Variants in TMBIM6 observed in about 807,000 individuals in gnomAD.
TMBIM6 encodes transmembrane BAX inhibitor motif containing 6.
TMBIM6 carries 13 observed loss-of-function variants against 31.4 expected under a neutral mutation model. The observed-to-expected ratio is 0.41, with a 90% CI of 0.27 to 0.66. TMBIM6 has a LOEUF of 0.66. Among genes scored for constraint, TMBIM6 ranks in the 30% least tolerant of loss-of-function variants. The probability of loss-of-function intolerance (pLI) is 0.28; values close to 1 mark genes in which losing one functional copy is unlikely to be tolerated. For missense variants in TMBIM6, 275 were observed against 289.5 expected (o/e 0.95, Z 0.36); for synonymous variants, 85 against 101.7 (o/e 0.84, Z 0.99).
rs1467206734 is a variant in TMBIM6 at position 49,752,699 on chromosome 12, C to T, written c.56+150C>T. 2.9e-5 allele frequency: 21 copies of T among 732,020 alleles called. No homozygotes were observed. The East Asian group carries it at 3.2e-4, about 11-fold the overall frequency. The allele number at this position is 732,020 out of a possible 1,614,324, so 45.3% of individuals were successfully genotyped here. A position where few individuals can be genotyped will look rare whatever the true frequency, so the allele number is the denominator to read the frequency against. The stretch of plus-strand genomic sequence containing the variant: ...CTGATGAAAATGTCCAAATTCTACA[C>T]GTTGCTGTGTGGTTATTGGAAAGGC... On this transcript the variant is annotated intron_variant, in intron 2 of 9. Transcript: ENST00000267115.
intron 1 of TMBIM6, among the ~76,000 whole-genome samples, chr12:49,744,902 G>T (rs1218523676): frequency 6.6e-6 from 1 of 152,184 alleles, no homozygotes; most frequent in Non-Finnish European, 1.5e-5. Context: ...TTCAGTATCT[G>T]TCAAACGTTA....
chr12:49,762,406 A>C (rs971217648), intron 9 of TMBIM6, among the ~76,000 whole-genome samples: 4 of 152,244 alleles, frequency 2.6e-5, no homozygotes, highest in African/African-American at 9.6e-5. Flanking sequence ...TCCATCCAAG[A>C]TTGAATGAAG....
intron 4 of TMBIM6, among the ~76,000 whole-genome samples, chr12:49,756,439 GC>G (rs1945596451): frequency 1.5e-5 from 2 of 132,204 alleles, no homozygotes; most frequent in Non-Finnish European, 3.1e-5. Context: ...CTGCCTCCTG[GC>G]TTTTTTTTTT....
intron 3 of TMBIM6, among the ~76,000 whole-genome samples, chr12:49,754,729 GT>G (rs1945557439): frequency 6.6e-6 from 1 of 152,068 alleles, no homozygotes; most frequent in Admixed American, 6.5e-5. Flanking sequence ...AATGCCTATA[GT>G]TTTTCCCACT....
chr12:49,741,873 C>T, intron 1 of TMBIM6: 1 of 509,934 alleles, frequency 2.0e-6, no homozygotes, highest in Non-Finnish European at 3.4e-6. Flanking sequence ...GTCGAGGCCT[C>T]TATTCTGCCC....
chr12:49,744,525 C>T (rs767437707), intron 1 of TMBIM6: 50 of 152,274 alleles, frequency 3.3e-4, no homozygotes, highest in African/African-American at 1.1e-3. Context: ...TTAAAGGTTA[C>T]CTAAGTGACC....
At chr12:49,751,963 A>G (rs143185797) in intron 1 of TMBIM6, among the ~76,000 whole-genome samples, 1 of 151,924 alleles carries the variant, frequency 6.6e-6, no homozygotes, top group African/African-American at 2.4e-5. Context: ...GGGTTTCACC[A>G]TGTTGGCCAG....
rs1399970317 is a variant in TMBIM6 at position 49,758,172 on chromosome 12, GGATCCTATTCAAGAATT to G, written c.287-50_287-34del. 3 of 1,602,828 alleles carry G rather than the reference GGATCCTATTCAAGAATT, an allele frequency of 1.9e-6. No homozygotes were observed. In the African/African-American group the frequency reaches 4.0e-5, roughly 22 times the overall value. ...TATTTCGGGATCAGCTTTTGGATGA[GGATCCTATTCAAGAATT>G]GATCGTAATACTGTGTTCTGGGTTT... On this transcript the variant is annotated intron_variant, in intron 4 of 9. Coordinates refer to ENST00000267115, the MANE Select transcript of TMBIM6 (RefSeq NM_003217.3).
At chr12:49,756,576 T>C (rs1167507510) in intron 4 of TMBIM6, among the ~76,000 whole-genome samples, 1 of 150,006 alleles carries the variant, frequency 6.7e-6, no homozygotes, top group Non-Finnish European at 1.5e-5. Context: ...CCCAAGTAGC[T>C]GGGACTACAG....
intron 3 of TMBIM6, 94 bp from the exon 4 acceptor site, chr12:49,755,541 G>A (rs1045015882): frequency 6.7e-7 from 1 of 1,491,386 alleles, no homozygotes; most frequent in Non-Finnish European, 9.1e-7. Flanking sequence ...ATGTTAGGAA[G>A]TTCAGACGAG....
intron 1 of TMBIM6, among the ~76,000 whole-genome samples, chr12:49,745,744 A>G (rs1945380131): frequency 1.3e-5 from 2 of 151,938 alleles, no homozygotes; most frequent in South Asian, 2.1e-4. Context: ...AACCCAGCAC[A>G]TTTAGAATTT....
chr12:49,750,090 C>G (rs955029193), intron 1 of TMBIM6, among the ~76,000 whole-genome samples: 38 of 152,154 alleles, frequency 2.5e-4, no homozygotes, highest in African/African-American at 8.9e-4. Flanking sequence ...CTGCCCCAAC[C>G]CACACAGCCT....
At position 49,763,362 on chromosome 12, in the gene TMBIM6, A is replaced by G. The variant is rs937989378; in HGVS notation, c.*466A>G. 4 of 154,214 alleles carry G rather than the reference A, an allele frequency of 2.6e-5. No individual in the cohort carries two copies. The highest frequency in any genetic ancestry group is 9.6e-5 in the African/African-American group (4 of 41,488). 9.6% of individuals were successfully genotyped at this position (154,214 alleles called of 1,614,324 possible). A position where few individuals can be genotyped will look rare whatever the true frequency, so the allele number is the denominator to read the frequency against. On this transcript the variant is annotated 3_prime_UTR_variant, in exon 10 of 10. Coordinates refer to ENST00000267115, the MANE Select transcript of TMBIM6 (RefSeq NM_003217.3). ...CATTGGAAAGAAGTTCAGTGGTCCC[A>G]TTGTTAACTCAGCCTCAAATCTCAA...
Position 49,741,978 on chromosome 12 carries a change from C to T in TMBIM6, c.-31+367C>T, listed in dbSNP as rs1945303435. 3.5e-6 allele frequency: 4 copies of T among 1,139,352 alleles called. No homozygotes were observed. In the South Asian group the frequency reaches 4.5e-5, roughly 13 times the overall value. The allele number at this position is 1,139,352 out of a possible 1,614,324, so 70.6% of individuals were successfully genotyped here. On this transcript the variant is annotated intron_variant, in intron 1 of 9. Transcript: ENST00000267115. Reference sequence around the variant, plus strand: ...GTAGACGCAGGGCCCCTTGGCCTAGCTTCGATCGTTCGAATTCAGAGCACG... The same window carrying T: ...GTAGACGCAGGGCCCCTTGGCCTAGTTTCGATCGTTCGAATTCAGAGCACG...
intron 1 of TMBIM6, among the ~76,000 whole-genome samples, chr12:49,746,793 A>AAG (rs1565916832): frequency 2.6e-4 from 40 of 151,802 alleles, no homozygotes; most frequent in African/African-American, 7.5e-4. Context: ...AGAAGAAGAA[A>AAG]AAAAACTACT....
Position 49,753,009 on chromosome 12 carries a change from T to C in TMBIM6, c.93T>C (p.Tyr31=), listed in dbSNP as rs1945523403. The stretch of plus-strand genomic sequence containing the variant: ...CGCAGCAGCACCTGAAGAAGGTCTA[T>C]GCAAGTTTTGCCCTTTGTATGTTTG... ...PSTQQHLKKV[Y]ASFALCMFVA... Residue 31 remains tyrosine (Y), a synonymous_variant, in exon 3 of 10, where the codon TAT becomes TAC. Transcript: ENST00000267115. The C allele has an allele frequency of 1.9e-6, 3 of 1,614,006 alleles. No individual in the cohort carries two copies. Among genetic ancestry groups the C allele is most frequent in the Non-Finnish European group, 2.5e-6 (3 of 1,179,994 alleles).
At chr12:49,752,393 T>C in intron 1 of TMBIM6, 71 bp from the exon 2 acceptor site, 2 of 1,140,978 alleles carry the variant, frequency 1.8e-6, no homozygotes, top group Non-Finnish European at 2.4e-6. Flanking sequence ...CATGTTGCTT[T>C]TTTTTTTTTT....
At chr12:49,751,118 A>G (rs1197644498) in intron 1 of TMBIM6, among the ~76,000 whole-genome samples, 2 of 152,200 alleles carry the variant, frequency 1.3e-5, no homozygotes, top group Non-Finnish European at 2.9e-5. Flanking sequence ...TTAGGATTGC[A>G]TGTGAAATAG....
chr12:49,759,440 G>C, intron 8 of TMBIM6, 119 bp downstream of exon 8: 1 of 762,578 alleles, frequency 1.3e-6, no homozygotes, highest in Non-Finnish European at 2.3e-6. Flanking sequence ...TATGTGGTAG[G>C]AAACCCACGG....
Sources: allele counts gnomAD v4.1 joint callset (sites outside exome capture counted in the v4.1 genomes callset), GRCh38; gene constraint gnomAD v4.1.1; transcripts MANE v1.5; gene names NCBI Gene and HGNC (gene_info 2026-07-23, HGNC 2026-07-21).